WNT2B: variants seen among roughly 807,000 people sequenced by gnomAD.
WNT2B encodes Wnt family member 2B.
Under a neutral mutation model 40.5 loss-of-function variants are expected in WNT2B, and 19 were observed. The observed-to-expected ratio is 0.47, with a 90% CI of 0.33 to 0.69. WNT2B has a LOEUF of 0.69. WNT2B is among the 30% of genes least tolerant of loss of function. The pLI is 0.02. For synonymous variants in WNT2B, 220 were observed against 211.9 expected, an observed-to-expected ratio of 1.04 and a Z score of -0.33; for missense variants, 467 against 556.4, an observed-to-expected ratio of 0.84 and a Z score of 1.62.
intron 1 of WNT2B, among the ~76,000 whole-genome samples, chr1:112,510,743 G>A (rs533005367): frequency 6.6e-6 from 1 of 151,916 alleles, no homozygotes; most frequent in Admixed American, 6.6e-5. Context: ...AGGCAAGGAG[G>A]GGGGGTTCTG....
chr1:112,529,404 A>G lies in WNT2B; in HGVS notation c.*8895A>G, dbSNP rs1367247924. 6.6e-6 allele frequency: 1 copy of G among 152,230 alleles called. No individual in the cohort carries two copies. Among genetic ancestry groups the G allele is most frequent in the Non-Finnish European group, 1.5e-5 (1 of 68,038 alleles). The allele number at this position is 152,230 out of a possible 1,614,324, so 9.4% of individuals were successfully genotyped here. On this transcript the variant is annotated 3_prime_UTR_variant, in exon 5 of 5. Transcript: ENST00000369684. ...AGGGTTTACATTCAACTGTGACAGCACTATGAATTCATTAAGAAGCATGTT... is the reference window on the plus strand; with the variant it reads ...AGGGTTTACATTCAACTGTGACAGCGCTATGAATTCATTAAGAAGCATGTT...
At chr1:112,467,355 C>T (rs1226438769) in exon 1 of WNT2B, 2 of 579,002 alleles carry the variant, frequency 3.5e-6, no homozygotes, top group Non-Finnish European at 6.2e-6. Context: ...TGAGCACAGG[C>T]ACATTTACCA....
intron 1 of WNT2B, among the ~76,000 whole-genome samples, chr1:112,470,057 A>G (rs1650830189): frequency 6.6e-6 from 1 of 152,158 alleles, no homozygotes; most frequent in Admixed American, 6.5e-5. Flanking sequence ...TTTTCTGTGT[A>G]CTTCCTATTA....
chr1:112,475,109 A>G (rs1458010754), intron 1 of WNT2B, among the ~76,000 whole-genome samples: 6 of 152,198 alleles, frequency 3.9e-5, no homozygotes, highest in Non-Finnish European at 8.8e-5. Flanking sequence ...GTACAGCAAT[A>G]CAAGAATGAA....
rs532960918 is a variant in WNT2B at position 112,476,208 on chromosome 1, A to G, written c.-95+8617A>G. The stretch of plus-strand genomic sequence containing the variant: ...TACCAAATAACCCATGGGTCAAAGG[A>G]AATTAAAGGAGAAATTAGAAAATAA... On this transcript the variant is annotated intron_variant, in intron 1 of 4. Transcript: ENST00000256640. 2.8e-4 allele frequency among the ~76,000 whole-genome samples: 42 copies of G among 152,356 alleles called. No individual in the cohort carries two copies. In the South Asian group the frequency reaches 8.7e-3, roughly 32 times the overall value.
intron 1 of WNT2B, among the ~76,000 whole-genome samples, chr1:112,497,915 C>T (rs1001221664): frequency 1.4e-5 from 2 of 146,284 alleles, no homozygotes; most frequent in Admixed American, 6.9e-5. Flanking sequence ...GTTCATCACT[C>T]TTTTTTTTTT....
upstream of WNT2B, among the ~76,000 whole-genome samples, chr1:112,504,476 T>G (rs189994365): frequency 1.3e-3 from 195 of 152,180 alleles, no homozygotes; most frequent in African/African-American, 4.5e-3. Flanking sequence ...TTGAGACACG[T>G]TCCACGCCTC....
intron 1 of WNT2B, among the ~76,000 whole-genome samples, chr1:112,468,242 A>T (rs1411605418): frequency 6.6e-6 from 1 of 152,200 alleles, no homozygotes. Context: ...CTTTGCTGTC[A>T]TGAGTCGTGC....
intron 1 of WNT2B, among the ~76,000 whole-genome samples, chr1:112,502,869 G>C (rs1384152316): frequency 6.6e-6 from 1 of 152,158 alleles, no homozygotes; most frequent in Non-Finnish European, 1.5e-5. Context: ...GCTCAAGTCT[G>C]ATGATGTTTC....
In WNT2B at chr1:112,509,840, C is replaced by T. The variant is rs2101082677; in HGVS notation, c.182+396C>T. On this transcript the variant is annotated intron_variant, in intron 1 of 4. Coordinates refer to ENST00000369684, the MANE Select transcript of WNT2B (RefSeq NM_024494.3). The surrounding 1 kb of genome is among the most constrained non-coding windows in gnomAD (Gnocchi z 4.2). ...GGCCCCAATCGCCTAAGGTCGCCCT[C>T]TGAGAGGTGGAGAAAGGGGCAGCTC... Among the ~76,000 whole-genome samples, 1 of 152,326 alleles carries T rather than the reference C, an allele frequency of 6.6e-6. No individual in the cohort carries two copies. The highest frequency in any genetic ancestry group is 1.5e-5 in the Non-Finnish European group (1 of 68,020).
Position 112,526,820 on chromosome 1 carries a change from T to C in WNT2B, c.*6311T>C, listed in dbSNP as rs1417132420. ...TTAAAAATGACGTCAACTCCTGGGT[T>C]AGGAAAGCAAGATGAGGGAATAAGT... On this transcript the variant is annotated 3_prime_UTR_variant, in exon 5 of 5. Coordinates refer to ENST00000369684, the MANE Select transcript of WNT2B (RefSeq NM_024494.3). 1.3e-5 allele frequency: 2 copies of C among 152,032 alleles called. No homozygotes were observed. Among genetic ancestry groups the C allele is most frequent in the Non-Finnish European group, 2.9e-5 (2 of 68,018 alleles). The allele number at this position is 152,032 out of a possible 1,614,324, so 9.4% of individuals were successfully genotyped here.
intron 4 of WNT2B, 123 bp downstream of exon 4, chr1:112,517,508 C>T: frequency 7.9e-7 from 1 of 1,268,400 alleles, no homozygotes; most frequent in South Asian, 1.5e-5. Context: ...AGGCAGTTTC[C>T]TCTCCACATG....
At chr1:112,487,337 T>C (rs552921822) in intron 1 of WNT2B, among the ~76,000 whole-genome samples, 47 of 152,268 alleles carry the variant, frequency 3.1e-4, no homozygotes, top group African/African-American at 1.1e-3. Context: ...AGGTGTGATA[T>C]AATAAGAAAT....
chr1:112,494,447 C>T (rs1651706286), intron 1 of WNT2B, among the ~76,000 whole-genome samples: 1 of 151,442 alleles, frequency 6.6e-6, no homozygotes, highest in South Asian at 2.1e-4. Context: ...TGGCTCACTG[C>T]AACCATGACC....
At chr1:112,489,731 GAC>G (rs770634707) in intron 1 of WNT2B, among the ~76,000 whole-genome samples, 8 of 152,064 alleles carry the variant, frequency 5.3e-5, no homozygotes, top group Non-Finnish European at 7.4e-5. Flanking sequence ...GAGCAGATGT[GAC>G]ACATGCCAAT....
upstream of WNT2B, among the ~76,000 whole-genome samples, chr1:112,508,044 G>A (rs547747187): frequency 2.2e-4 from 34 of 152,152 alleles, no homozygotes; most frequent in Non-Finnish European, 4.0e-4. This position sits in a 1 kb window ranked among gnomAD's most constrained non-coding sequence, Gnocchi z 4.2. Context: ...GCGGAGGGAG[G>A]GTGAAGGAGC....
At chr1:112,491,591 G>A (rs929045518) in intron 1 of WNT2B, among the ~76,000 whole-genome samples, 5 of 151,764 alleles carry the variant, frequency 3.3e-5, no homozygotes, top group Non-Finnish European at 7.4e-5. Flanking sequence ...AGAGTTAGAA[G>A]GATTGGAGGG....
intron 1 of WNT2B, among the ~76,000 whole-genome samples, chr1:112,510,243 CTG>C (rs1290219118): frequency 1.3e-5 from 2 of 152,140 alleles, no homozygotes; most frequent in African/African-American, 2.4e-5. Context: ...TGTCTCGTGT[CTG>C]TTCTTTTTAG....
intron 1 of WNT2B, among the ~76,000 whole-genome samples, chr1:112,490,127 GAAAC>G (rs148653386): frequency 0.38 from 57,632 of 151,820 alleles, 12,474 homozygotes; most frequent in South Asian, 0.56. Flanking sequence ...AGGAAATAAA[GAAAC>G]AAACAAGAGA....
Sources: allele counts gnomAD v4.1 joint callset (sites outside exome capture counted in the v4.1 genomes callset), GRCh38; gene constraint gnomAD v4.1.1; non-coding constraint Gnocchi (gnomAD v3.1); transcripts MANE v1.5; gene names NCBI Gene and HGNC (gene_info 2026-07-23, HGNC 2026-07-21).